DENND2B: variants seen among roughly 807,000 people sequenced by gnomAD.
DENND2B encodes DENN domain-containing protein 2B.
DENND2B carries 32 observed loss-of-function variants against 116.0 expected under a neutral mutation model. The ratio of observed to expected loss-of-function variants is 0.28; its 90% CI spans 0.21 to 0.37. DENND2B has a LOEUF of 0.37. DENND2B is among the 10% of genes least tolerant of loss of function. The pLI is 1.00. For synonymous variants in DENND2B, 588 were observed against 583.9 expected (o/e 1.01, Z -0.10); for missense variants, 1,276 against 1,477.7 (o/e 0.86, Z 2.24).
At chr11:8,698,137 CAAAAAAAAAAAA>C (rs33975736) in intron 16 of DENND2B, among the ~76,000 whole-genome samples, 34 of 39,812 alleles carry the variant, frequency 8.5e-4, no homozygotes, top group African/African-American at 1.7e-3. Context: ...ACCCTGTCTC[CAAAAAAAAAAAA>C]AAAAAAAAAA....
rs2041607442 is a variant in DENND2B, at chr11:8,701,354, G to GC, written c.2720+1217_2720+1218insG. ...GGGAAGGCCAGCTTCCGGGGGGGGG[G>GC]GGGGGAGGGGCTACATGAATGACAT... On this transcript the variant is annotated intron_variant, in intron 14 of 19. Transcript: ENST00000313726. 8.1e-5 allele frequency among the ~76,000 whole-genome samples: 4 copies of GC among 49,354 alleles called. 1 individual carries two copies. The highest frequency in any genetic ancestry group is 1.2e-4 in the Non-Finnish European group (3 of 25,160). The allele number at this position is 49,354 out of a possible 152,430, so 32.4% of individuals were successfully genotyped here. A position where few individuals can be genotyped will look rare whatever the true frequency, so the allele number is the denominator to read the frequency against.
intron 2 of DENND2B, among the ~76,000 whole-genome samples, chr11:8,733,945 T>C (rs1436467771): frequency 1.3e-5 from 2 of 152,224 alleles, no homozygotes; most frequent in Non-Finnish European, 2.9e-5. Context: ...GTGTCACTGC[T>C]GACCTGGGAC....
Position 8,693,979 on chromosome 11 carries a change from GGA to G in DENND2B, c.*115_*116del. On this transcript the variant is annotated 3_prime_UTR_variant, in exon 20 of 20. Coordinates refer to ENST00000313726, the MANE Select transcript of DENND2B (RefSeq NM_213618.2). ...GATGAAGGCAGAGGTGGGCTGGCTT[GGA>G]GGATAGGATCTGTGGGGGCAGAGGA... 1.9e-6 allele frequency: 2 copies of G among 1,064,010 alleles called. No homozygotes were observed. The highest frequency in any genetic ancestry group is 4.3e-5 in the Admixed American group (2 of 46,190). 65.9% of individuals were successfully genotyped at this position (1,064,010 alleles called of 1,614,324 possible). A position where few individuals can be genotyped will look rare whatever the true frequency, so the allele number is the denominator to read the frequency against.
chr11:8,780,169 C>T (rs892779085), intron 1 of DENND2B, among the ~76,000 whole-genome samples: 1 of 152,164 alleles, frequency 6.6e-6, no homozygotes, highest in African/African-American at 2.4e-5. Flanking sequence ...CACCAAACAC[C>T]AACCATGCAT....
chr11:8,820,407 T>A (rs1436001368), intron 4 of DENND2B, among the ~76,000 whole-genome samples: 4 of 152,204 alleles, frequency 2.6e-5, no homozygotes, highest in African/African-American at 4.8e-5. Flanking sequence ...GTAGCCTCAC[T>A]CAGGGAGAAT....
intron 1 of DENND2B, chr11:8,785,558 T>A (rs1414576592): frequency 2.0e-5 from 3 of 152,244 alleles, no homozygotes; most frequent in Admixed American, 6.5e-5. Context: ...CCATGATTTG[T>A]AATGTGGGCT....
chr11:8,825,134 C>A (rs1409698660), intron 4 of DENND2B, among the ~76,000 whole-genome samples: 2 of 152,182 alleles, frequency 1.3e-5, no homozygotes, highest in Non-Finnish European at 2.9e-5. Context: ...AATTTACACT[C>A]CCACCAACAC....
In DENND2B at chr11:8,731,016, A is replaced by G; in HGVS notation, c.274T>C (p.Cys92Arg). 1 of 1,614,024 alleles carries G rather than the reference A, an allele frequency of 6.2e-7. No individual in the cohort carries two copies. Among genetic ancestry groups the G allele is most frequent in the Non-Finnish European group, 8.5e-7 (1 of 1,180,014 alleles). The change falls in exon 3 of 20, where the codon TGT becomes CGT. Residue 92 changes from cysteine (C) to arginine (R), a missense_variant. Physicochemically the swap from Cys to Arg is radical, Grantham distance 180 (BLOSUM62 -3). This residue lies in a region of DENND2B where 856 missense variants were observed against 846.6 expected (regional missense o/e 1.01). Transcript: ENST00000313726. ...CCGAAGCTGGCGGTCTTGAAGGGAC[A>G]GGTGGGTGGGGAAGTATCTGGGGAG... ...DPSPDTSPPT[C>R]PFKTASFGYL...
intron 3 of DENND2B, among the ~76,000 whole-genome samples, chr11:8,855,302 T>C (rs1484961575): frequency 6.6e-6 from 1 of 151,784 alleles, no homozygotes; most frequent in African/African-American, 2.4e-5. Flanking sequence ...GAAGACTATC[T>C]CGCTCAGGCT....
At chr11:8,696,360 G>A in intron 18 of DENND2B, 67 bp downstream of exon 18, 1 of 1,586,758 alleles carries the variant, frequency 6.3e-7, no homozygotes, top group Non-Finnish European at 8.6e-7. Context: ...TTCCATCATA[G>A]TGCCTGGTTC....
At chr11:8,903,646 T>G (rs2064199143) in intron 1 of DENND2B, among the ~76,000 whole-genome samples, 1 of 151,736 alleles carries the variant, frequency 6.6e-6, no homozygotes, top group Non-Finnish European at 1.5e-5. Flanking sequence ...TGACTCAAGA[T>G]GGAATAGAAG....
chr11:8,798,250 G>C (rs897440485), intron 1 of DENND2B, among the ~76,000 whole-genome samples: 3 of 152,272 alleles, frequency 2.0e-5, no homozygotes, highest in South Asian at 4.2e-4. Context: ...ACAAAACCTA[G>C]AACAGAAGGA....
chr11:8,866,134 T>C (rs1459845550), intron 2 of DENND2B, among the ~76,000 whole-genome samples: 4 of 152,058 alleles, frequency 2.6e-5, no homozygotes, highest in Non-Finnish European at 4.4e-5. Flanking sequence ...TAATTTTTTG[T>C]ATTTTTAGTA....
At chr11:8,727,624 C>T (rs1242829927) in intron 3 of DENND2B, among the ~76,000 whole-genome samples, 1 of 152,174 alleles carries the variant, frequency 6.6e-6, no homozygotes, top group Non-Finnish European at 1.5e-5. Flanking sequence ...TTGATGACTC[C>T]CAGATTTCTG....
At chr11:8,695,583 A>C in intron 18 of DENND2B, 34 bp from the exon 19 acceptor site, 1 of 1,598,516 alleles carries the variant, frequency 6.3e-7, no homozygotes, top group Non-Finnish European at 8.6e-7. Context: ...GGAAGAGAAC[A>C]GTCATTGGAG....
chr11:8,855,019 T>C (rs975981814), intron 3 of DENND2B, among the ~76,000 whole-genome samples: 16 of 146,400 alleles, frequency 1.1e-4, no homozygotes, highest in African/African-American at 3.8e-4. Context: ...GTGGCCCACA[T>C]AGTGGTCCTA....
At chr11:8,835,319 T>C (rs2062376915) in intron 4 of DENND2B, among the ~76,000 whole-genome samples, 1 of 152,214 alleles carries the variant, frequency 6.6e-6, no homozygotes, top group African/African-American at 2.4e-5. Context: ...AATTAAAAGA[T>C]GGATATCTGG....
chr11:8,786,420 A>T (rs1181448919), intron 1 of DENND2B, among the ~76,000 whole-genome samples: 5 of 152,248 alleles, frequency 3.3e-5, no homozygotes, highest in Admixed American at 6.5e-5. Context: ...TATAAATTTC[A>T]TTAAAACATG....
intron 1 of DENND2B, among the ~76,000 whole-genome samples, chr11:8,789,465 TC>T (rs2059186584): frequency 6.6e-6 from 1 of 152,206 alleles, no homozygotes; most frequent in Non-Finnish European, 1.5e-5. Context: ...ATTTAGCTGA[TC>T]CTACCTTAAC....
Sources: allele counts gnomAD v4.1 joint callset (sites outside exome capture counted in the v4.1 genomes callset), GRCh38; gene constraint gnomAD v4.1.1; regional missense constraint gnomAD v4.1.1; transcripts MANE v1.5; gene names NCBI Gene and HGNC (gene_info 2026-07-23, HGNC 2026-07-21).